TAFA4: variants seen among roughly 807,000 people sequenced by gnomAD.
The protein encoded by TAFA4 is chemokine-like protein TAFA-4.
Under a neutral mutation model 21.1 loss-of-function variants are expected in TAFA4, and 20 were observed. That is an observed-to-expected ratio of 0.95 (90% confidence interval 0.67 to 1.38). TAFA4 has a LOEUF of 1.38. TAFA4 is among the 40% of genes most tolerant of loss of function. TAFA4 has a pLI of 0.00. For synonymous variants in TAFA4, 71 were observed against 67.4 expected (o/e 1.05, Z -0.26); for missense variants, 211 against 180.9 (o/e 1.17, Z -0.95).
intron 3 of TAFA4, among the ~76,000 whole-genome samples, chr3:68,797,785 C>T (rs1315479946): frequency 6.6e-6 from 1 of 151,984 alleles, no homozygotes; most frequent in Non-Finnish European, 1.5e-5. Flanking sequence ...TTGTCAGAGG[C>T]TGAGGGTGAC....
At chr3:68,847,634 A>G (rs955019155) in intron 3 of TAFA4, among the ~76,000 whole-genome samples, 2 of 152,206 alleles carry the variant, frequency 1.3e-5, no homozygotes, top group African/African-American at 4.8e-5. Flanking sequence ...CTGGTGGCAT[A>G]GGCACCCGAG....
At chr3:68,865,793 T>A (rs1325204073) in intron 3 of TAFA4, among the ~76,000 whole-genome samples, 1 of 152,016 alleles carries the variant, frequency 6.6e-6, no homozygotes, top group African/African-American at 2.4e-5. Flanking sequence ...TATAGGCACT[T>A]ACCACACCAG....
At chr3:68,753,777 G>A (rs543258550) in intron 3 of TAFA4, among the ~76,000 whole-genome samples, 1 of 152,314 alleles carries the variant, frequency 6.6e-6, no homozygotes, top group South Asian at 2.1e-4. Context: ...CACATGTCAA[G>A]GAAATGGAGA....
intron 3 of TAFA4, among the ~76,000 whole-genome samples, chr3:68,781,500 T>C (rs1415396564): frequency 6.6e-6 from 1 of 152,012 alleles, no homozygotes; most frequent in Non-Finnish European, 1.5e-5. Flanking sequence ...ATGAGCAACT[T>C]CGTGCCAATA....
intron 3 of TAFA4, among the ~76,000 whole-genome samples, chr3:68,853,219 A>G (rs1457428896): frequency 6.8e-6 from 1 of 147,532 alleles, no homozygotes; most frequent in Non-Finnish European, 1.5e-5. Context: ...ATTATCTACT[A>G]TAGAGTTAAG....
At chr3:68,768,836 G>A (rs920077018) in intron 3 of TAFA4, among the ~76,000 whole-genome samples, 4 of 152,078 alleles carry the variant, frequency 2.6e-5, no homozygotes, top group Admixed American at 6.6e-5. Flanking sequence ...AAATAAACCA[G>A]GCACAGAAAG....
chr3:68,880,777 C>T lies in TAFA4; in HGVS notation c.83G>A (p.Cys28Tyr). Reference protein sequence around the residue: ...WLFLAYVLMVCCKLMSASSQH... With the variant: ...WLFLAYVLMVYCKLMSASSQH... Reference sequence around the variant, plus strand: ...GCTTGAGGCGGACATCAGCTTACAGCACACCATTAACACGTAGGCTAGAAA... The same window carrying T: ...GCTTGAGGCGGACATCAGCTTACAGTACACCATTAACACGTAGGCTAGAAA... Residue 28 changes from cysteine (C) to tyrosine (Y), a missense_variant, in exon 3 of 6, where the codon TGC becomes TAC. Transcript: ENST00000295569. 2 of 1,613,948 alleles carry T rather than the reference C, an allele frequency of 1.2e-6. No homozygotes were observed. The highest frequency in any genetic ancestry group is 1.7e-6 in the Non-Finnish European group (2 of 1,179,952).
At chr3:68,736,030 A>C (rs1333361246) in intron 5 of TAFA4, among the ~76,000 whole-genome samples, 1 of 152,094 alleles carries the variant, frequency 6.6e-6, no homozygotes, top group African/African-American at 2.4e-5. Context: ...CTGCTACTCT[A>C]AAGACATAGC....
chr3:68,795,077 G>A (rs1037850876), intron 3 of TAFA4, among the ~76,000 whole-genome samples: 1 of 151,388 alleles, frequency 6.6e-6, no homozygotes, highest in Non-Finnish European at 1.5e-5. Context: ...GGGTCTGAGA[G>A]ATAAATAATA....
intron 3 of TAFA4, among the ~76,000 whole-genome samples, chr3:68,753,421 T>C (rs1176600573): frequency 6.9e-6 from 1 of 145,664 alleles, no homozygotes; most frequent in Non-Finnish European, 1.5e-5. Context: ...TTGCAACCTC[T>C]ACCTCCTGGA....
intron 3 of TAFA4, among the ~76,000 whole-genome samples, chr3:68,865,505 CT>C (rs1175904558): frequency 6.6e-6 from 1 of 152,114 alleles, no homozygotes; most frequent in African/African-American, 2.4e-5. Flanking sequence ...TGGCACATCT[CT>C]TTTGCCTGCC....
intron 3 of TAFA4, among the ~76,000 whole-genome samples, chr3:68,762,933 G>A (rs549634241): frequency 1.6e-4 from 24 of 152,352 alleles, no homozygotes; most frequent in African/African-American, 4.6e-4. Context: ...AGCTACTCAG[G>A]TGGCTAAGGC....
intron 3 of TAFA4, among the ~76,000 whole-genome samples, chr3:68,850,010 CCA>C (rs1704906592): frequency 6.6e-6 from 1 of 152,152 alleles, no homozygotes; most frequent in Non-Finnish European, 1.5e-5. Context: ...GAAATGATTA[CCA>C]CAGTCAAGGT....
intron 1 of TAFA4, among the ~76,000 whole-genome samples, chr3:68,920,314 A>G (rs2090046248): frequency 6.6e-6 from 1 of 152,258 alleles, no homozygotes; most frequent in African/African-American, 2.4e-5. Flanking sequence ...ATATTTAGTA[A>G]CCATACATAA....
chr3:68,891,307 C>A (rs571763997), intron 1 of TAFA4, among the ~76,000 whole-genome samples: 8 of 152,294 alleles, frequency 5.3e-5, no homozygotes, highest in African/African-American at 1.7e-4. Flanking sequence ...CACAGCAAAA[C>A]AGAATCTGCT....
intron 3 of TAFA4, among the ~76,000 whole-genome samples, chr3:68,877,150 G>A (rs13070517): frequency 6.6e-6 from 1 of 151,770 alleles, no homozygotes; most frequent in South Asian, 2.1e-4. Context: ...CTTGAGGTCA[G>A]GAGTTCGAGA....
At chr3:68,823,071 A>G (rs796225841) in intron 3 of TAFA4, among the ~76,000 whole-genome samples, 9 of 152,268 alleles carry the variant, frequency 5.9e-5, no homozygotes, top group African/African-American at 9.6e-5. Flanking sequence ...GACTCTTAAT[A>G]TAAGTATCAA....
intron 1 of TAFA4, among the ~76,000 whole-genome samples, chr3:68,897,261 GTTCATC>G (rs1200790883): frequency 1.3e-5 from 2 of 152,148 alleles, no homozygotes; most frequent in African/African-American, 4.8e-5. Context: ...CAAATTTATA[GTTCATC>G]TTCAGTAAGT....
intron 1 of TAFA4, among the ~76,000 whole-genome samples, chr3:68,890,685 T>C (rs369002028): frequency 5.3e-5 from 8 of 152,338 alleles, no homozygotes; most frequent in African/African-American, 1.7e-4. Context: ...ATTTATGCTG[T>C]CTGGTACCAA....
Sources: allele counts gnomAD v4.1 joint callset (sites outside exome capture counted in the v4.1 genomes callset), GRCh38; gene constraint gnomAD v4.1.1; transcripts MANE v1.5; gene names NCBI Gene and HGNC (gene_info 2026-07-23, HGNC 2026-07-21).